HS3ST5: variants seen among roughly 807,000 people sequenced by gnomAD.
HS3ST5 encodes heparan sulfate-glucosamine 3-sulfotransferase 5.
HS3ST5 carries 10 observed loss-of-function variants against 25.4 expected under a neutral mutation model. That is an observed-to-expected ratio of 0.39 (90% confidence interval 0.24 to 0.67). HS3ST5 has a LOEUF of 0.67. Among genes scored for constraint, HS3ST5 ranks in the 30% least tolerant of loss-of-function variants. The pLI is 0.44. For missense variants in HS3ST5, 324 were observed against 420.7 expected, an observed-to-expected ratio of 0.77 and a Z score of 2.01; for synonymous variants, 170 against 162.4, an observed-to-expected ratio of 1.05 and a Z score of -0.36.
rs550067869 is a variant in HS3ST5, at chr6:114,128,849, AC to A, written c.-33+39501del. 2.8e-3 allele frequency among the ~76,000 whole-genome samples: 425 copies of A among 152,226 alleles called. 4 individuals carry two copies. Among genetic ancestry groups the A allele is most frequent in the Admixed American group, 5.6e-3 (85 of 15,284 alleles). The stretch of plus-strand genomic sequence containing the variant: ...TATAGCTCTCAGTGTTGCTCTTTGA[AC>A]CCTTAGTTGTTAAAAATATTAGGTA... On this transcript the variant is annotated intron_variant, in intron 3 of 4. Coordinates refer to ENST00000312719, the MANE Select transcript of HS3ST5 (RefSeq NM_153612.4).
chr6:114,147,387 T>C (rs1421389793), intron 3 of HS3ST5, among the ~76,000 whole-genome samples: 1 of 152,030 alleles, frequency 6.6e-6, no homozygotes, highest in Non-Finnish European at 1.5e-5. Flanking sequence ...CTTAAGAGGG[T>C]TGTTTGCCCT....
intron 3 of HS3ST5, among the ~76,000 whole-genome samples, chr6:114,110,643 T>G (rs1397445105): frequency 6.6e-6 from 1 of 152,142 alleles, no homozygotes; most frequent in Non-Finnish European, 1.5e-5. Context: ...AGCTAGGCTT[T>G]ATAGGATATT....
intron 1 of HS3ST5, among the ~76,000 whole-genome samples, chr6:114,244,338 C>T (rs1772282923): frequency 6.6e-6 from 1 of 152,232 alleles, no homozygotes; most frequent in African/African-American, 2.4e-5. Flanking sequence ...CTAGAGTGGA[C>T]AGAATGTTCA....
Position 114,123,334 on chromosome 6 carries a change from T to C in HS3ST5, c.-33+45017A>G, listed in dbSNP as rs1044577112. On this transcript the variant is annotated intron_variant, in intron 3 of 4. Transcript: ENST00000312719. ...AATATCTTCTAGCCCAAGACATTCA[T>C]TGTAGAAATGAGAAAACTAAGCCAA... Among the ~76,000 whole-genome samples, 13 of 152,276 alleles carry C rather than the reference T, an allele frequency of 8.5e-5. No individual in the cohort carries two copies. The East Asian group carries it at 1.7e-3, about 20-fold the overall frequency.
rs965536878 is a variant in HS3ST5, at chr6:114,207,654, C to G, written c.-145+20931G>C. Among the ~76,000 whole-genome samples the G allele has an allele frequency of 3.9e-5, 6 of 152,024 alleles. No individual in the cohort carries two copies. In the East Asian group the frequency reaches 1.2e-3, roughly 29 times the overall value. ...TCTCCTTTAACTGACTTTGGTTGGA[C>G]AAAAGACTCCCCTGCCTCCACCACC... On this transcript the variant is annotated intron_variant, in intron 2 of 4. Coordinates refer to ENST00000312719, the MANE Select transcript of HS3ST5 (RefSeq NM_153612.4).
At chr6:114,112,633 A>G (rs558295517) in intron 3 of HS3ST5, 1 of 152,158 alleles carries the variant, frequency 6.6e-6, no homozygotes, top group Non-Finnish European at 1.5e-5. Context: ...GCATACCACC[A>G]TGCTAGTTGA....
chr6:114,257,027 C>T (rs576546147), intron 1 of HS3ST5, among the ~76,000 whole-genome samples: 2 of 152,278 alleles, frequency 1.3e-5, no homozygotes, highest in South Asian at 4.1e-4. Flanking sequence ...AAAGGGGTTT[C>T]CCCCTTATAA....
chr6:114,140,340 A>T (rs1777840213), intron 3 of HS3ST5, among the ~76,000 whole-genome samples: 1 of 152,186 alleles, frequency 6.6e-6, no homozygotes, highest in African/African-American at 2.4e-5. Flanking sequence ...TAGTGATATA[A>T]ATTTTTTTTA....
chr6:114,210,076 G>A (rs1361587864), intron 2 of HS3ST5, among the ~76,000 whole-genome samples: 1 of 152,088 alleles, frequency 6.6e-6, no homozygotes, highest in Non-Finnish European at 1.5e-5. Flanking sequence ...GGCAAAAAAT[G>A]TAAATACTCT....
At chr6:114,311,491 C>T (rs1775528071) in intron 1 of HS3ST5, among the ~76,000 whole-genome samples, 1 of 150,814 alleles carries the variant, frequency 6.6e-6, no homozygotes, top group Admixed American at 6.6e-5. Flanking sequence ...AAATTGTTAC[C>T]ACTTAAAATG....
chr6:114,152,268 A>C (rs1008619242), intron 3 of HS3ST5, among the ~76,000 whole-genome samples: 1 of 152,084 alleles, frequency 6.6e-6, no homozygotes, highest in Non-Finnish European at 1.5e-5. Flanking sequence ...TTCTATTCTC[A>C]ATATTAGCAT....
intron 1 of HS3ST5, among the ~76,000 whole-genome samples, chr6:114,249,402 T>C (rs1459301134): frequency 1.3e-5 from 2 of 152,246 alleles, no homozygotes; most frequent in Admixed American, 1.3e-4. Flanking sequence ...AAACAAGGCA[T>C]GAGAGAGAAT....
chr6:114,136,865 G>T (rs1055784070), intron 3 of HS3ST5, among the ~76,000 whole-genome samples: 1 of 152,086 alleles, frequency 6.6e-6, no homozygotes, highest in African/African-American at 2.4e-5. Flanking sequence ...ACATTTTTCT[G>T]ACCTCCTTTT....
intron 3 of HS3ST5, among the ~76,000 whole-genome samples, chr6:114,065,203 T>C (rs1245068986): frequency 6.6e-6 from 1 of 152,234 alleles, no homozygotes; most frequent in African/African-American, 2.4e-5. Context: ...TTCCATTTCA[T>C]AGGTCAAGTG....
intron 3 of HS3ST5, among the ~76,000 whole-genome samples, chr6:114,153,185 G>A (rs1415911706): frequency 6.6e-6 from 1 of 152,116 alleles, no homozygotes; most frequent in Non-Finnish European, 1.5e-5. Flanking sequence ...CCTGGGCTCT[G>A]TCTCCTGGTT....
At chr6:114,268,719 A>G (rs1773514239) in intron 1 of HS3ST5, among the ~76,000 whole-genome samples, 1 of 152,202 alleles carries the variant, frequency 6.6e-6, no homozygotes, top group African/African-American at 2.4e-5. Flanking sequence ...GTGTTTTATT[A>G]TTCATTGTTA....
At chr6:114,252,916 G>T (rs1201669442) in intron 1 of HS3ST5, among the ~76,000 whole-genome samples, 1 of 152,106 alleles carries the variant, frequency 6.6e-6, no homozygotes, top group East Asian at 1.9e-4. Flanking sequence ...GAAACAGGTA[G>T]CTGGGCATGA....
At chr6:114,105,145 G>A (rs1289381759) in intron 3 of HS3ST5, among the ~76,000 whole-genome samples, 1 of 152,132 alleles carries the variant, frequency 6.6e-6, no homozygotes, top group African/African-American at 2.4e-5. Flanking sequence ...ACTTTTGCTT[G>A]CTAGAGGAAA....
intron 3 of HS3ST5, among the ~76,000 whole-genome samples, chr6:114,160,121 G>T (rs1166837489): frequency 6.6e-6 from 1 of 152,118 alleles, no homozygotes; most frequent in Non-Finnish European, 1.5e-5. Flanking sequence ...TGTTGTTATG[G>T]ATGTGTCTCA....
Sources: gnomAD v4.1 joint callset for allele counts (sites outside exome capture counted in the v4.1 genomes callset) on GRCh38, gnomAD v4.1.1 for gene constraint, MANE v1.5 for transcripts, NCBI Gene and HGNC (gene_info 2026-07-23, HGNC 2026-07-21) for gene names.